DSCAML1: variants seen among roughly 807,000 people sequenced by gnomAD.
DSCAML1 encodes DS cell adhesion molecule like 1, also known as cell adhesion molecule DSCAML1.
A neutral mutation model predicts 200.5 loss-of-function variants in DSCAML1; 38 were observed. The ratio of observed to expected loss-of-function variants is 0.19; its 90% CI spans 0.15 to 0.25. The LOEUF (loss-of-function observed/expected upper bound fraction) is 0.25. DSCAML1 is among the 10% of genes least tolerant of loss of function. DSCAML1 has a pLI of 1.00. For synonymous variants in DSCAML1, 1,215 were observed against 1,165.0 expected, an observed-to-expected ratio of 1.04 and a Z score of -0.87; for missense variants, 2,223 against 2,858.8, an observed-to-expected ratio of 0.78 and a Z score of 5.07.
intron 3 of DSCAML1, among the ~76,000 whole-genome samples, chr11:117,638,364 G>GTGTGTGTGTT (rs2052334785): frequency 7.6e-6 from 1 of 130,896 alleles, no homozygotes; most frequent in African/African-American, 2.9e-5. Flanking sequence ...GTGTGTGTGT[G>GTGTGTGTGTT]TTTGCAACCG....
Position 117,461,483 on chromosome 11 carries a change from G to A in DSCAML1, c.3379C>T (p.Arg1127Trp). 2 of 1,614,180 alleles carry A rather than the reference G, an allele frequency of 1.2e-6. No homozygotes were observed. The highest frequency in any genetic ancestry group is 1.7e-6 in the Non-Finnish European group (2 of 1,180,040). Residue 1127 changes from arginine to tryptophan, a missense_variant, in exon 18 of 33, where the codon CGG (arginine) becomes TGG (tryptophan). By Grantham distance (101) the Arg-to-Trp change is moderately radical (BLOSUM62 -3). This residue lies in a region of DSCAML1 where 438 missense variants were observed against 629.7 expected (regional missense o/e 0.70). Transcript: ENST00000651296. Reference sequence around the variant, plus strand: ...ACATAGAGGGACCAGAAGATGACCCGATAGCCTTTGAGGACGCCATTGAGG... The same window carrying A: ...ACATAGAGGGACCAGAAGATGACCCAATAGCCTTTGAGGACGCCATTGAGG... Reference protein sequence around the residue: ...STLNGVLKGYRVIFWSLYVDG... With the variant: ...STLNGVLKGYWVIFWSLYVDG...
intron 5 of DSCAML1, 107 bp downstream of exon 5, chr11:117,524,698 C>T: frequency 7.2e-7 from 1 of 1,382,952 alleles, no homozygotes; most frequent in African/African-American, 1.5e-5. Flanking sequence ...AGGGTTATTC[C>T]CAGGGCCTGG....
At chr11:117,738,713 C>A (rs530790772) in intron 3 of DSCAML1, among the ~76,000 whole-genome samples, 1 of 152,242 alleles carries the variant, frequency 6.6e-6, no homozygotes, top group African/African-American at 2.4e-5. Context: ...TGAGCCTCTC[C>A]GAGAGTAACT....
At chr11:117,704,387 C>T in intron 3 of DSCAML1, among the ~76,000 whole-genome samples, 1 of 152,168 alleles carries the variant, frequency 6.6e-6, no homozygotes, top group East Asian at 1.9e-4. Context: ...TCTCACCCTC[C>T]CCTGGCTGCA....
intron 3 of DSCAML1, among the ~76,000 whole-genome samples, chr11:117,605,409 C>T (rs1029621250): frequency 6.6e-6 from 1 of 152,166 alleles, no homozygotes; most frequent in African/African-American, 2.4e-5. Context: ...CTGCCGCAAG[C>T]ACAGAGCCCT....
intron 32 of DSCAML1, 123 bp from the exon 33 acceptor site, chr11:117,428,926 T>G: frequency 1.2e-6 from 1 of 829,224 alleles, no homozygotes; most frequent in South Asian, 1.7e-5. Context: ...GCCCCTCCAC[T>G]GGGGGGCAAT....
At chr11:117,688,358 G>T (rs1330464002) in intron 3 of DSCAML1, among the ~76,000 whole-genome samples, 1 of 152,218 alleles carries the variant, frequency 6.6e-6, no homozygotes, top group African/African-American at 2.4e-5. Flanking sequence ...TGTTCTCGGG[G>T]ATGGGCCCAG....
At position 117,505,058 on chromosome 11, in the gene DSCAML1, A is replaced by G; in HGVS notation, c.2063-15T>C. ...TCGAGGGGGCACTGCAGAAAGAGGGAAGGTAGGGAAACAGACCATTTTAGT... is the reference window on the plus strand; with the variant it reads ...TCGAGGGGGCACTGCAGAAAGAGGGGAGGTAGGGAAACAGACCATTTTAGT... On this transcript the variant is annotated splice_polypyrimidine_tract_variant and intron_variant, in intron 9 of 32. Coordinates refer to ENST00000651296, the MANE Select transcript of DSCAML1 (RefSeq NM_020693.4). The surrounding 1 kb of genome is among the most constrained non-coding windows in gnomAD (Gnocchi z 6.7). The G allele has an allele frequency of 6.2e-7, 1 of 1,602,702 alleles. No individual in the cohort carries two copies. The highest frequency in any genetic ancestry group is 8.5e-7 in the Non-Finnish European group (1 of 1,174,012).
At chr11:117,694,038 T>C (rs565498733) in intron 3 of DSCAML1, among the ~76,000 whole-genome samples, 65 of 147,628 alleles carry the variant, frequency 4.4e-4, no homozygotes, top group Middle Eastern at 7.2e-3. Context: ...CCTCCCTCTG[T>C]CATTTTTAGG....
chr11:117,742,460 A>G (rs963298318), intron 3 of DSCAML1, among the ~76,000 whole-genome samples: 21 of 152,164 alleles, frequency 1.4e-4, no homozygotes, highest in African/African-American at 4.6e-4. Flanking sequence ...GGACCCTCCT[A>G]TTCACTAATG....
At chr11:117,535,047 G>A (rs2050141070) in intron 3 of DSCAML1, among the ~76,000 whole-genome samples, 1 of 152,062 alleles carries the variant, frequency 6.6e-6, no homozygotes, top group Non-Finnish European at 1.5e-5. Flanking sequence ...GTATAGGACT[G>A]GACCTACCAT....
chr11:117,508,098 C>T (rs1345523418), intron 8 of DSCAML1, among the ~76,000 whole-genome samples: 1 of 152,090 alleles, frequency 6.6e-6, no homozygotes, highest in Non-Finnish European at 1.5e-5. Context: ...TAGCAGAGAC[C>T]CAGATGTGCC....
At chr11:117,767,330 C>T (rs2054917316) in intron 3 of DSCAML1, among the ~76,000 whole-genome samples, 1 of 152,286 alleles carries the variant, frequency 6.6e-6, no homozygotes, top group Non-Finnish European at 1.5e-5. Flanking sequence ...CTACATAGGG[C>T]ACCTGTGAAG....
chr11:117,458,366 C>T (rs757894161), intron 19 of DSCAML1, among the ~76,000 whole-genome samples: 80 of 152,170 alleles, frequency 5.3e-4, no homozygotes, highest in Non-Finnish European at 6.2e-4. Flanking sequence ...GTCCCTAACC[C>T]GTGATGTACT....
chr11:117,777,071 C>G lies in DSCAML1; in HGVS notation c.365-134G>C, dbSNP rs572530216. On this transcript the variant is annotated intron_variant, in intron 2 of 32. Transcript: ENST00000651296. ...CCTTCCCACTTCTTCCTTCCCCCAT[C>G]CTGCTTAGCCAGCCTAGAAGCCCCT... The G allele has an allele frequency of 6.4e-6, 6 of 940,100 alleles. No individual in the cohort carries two copies. In the South Asian group the frequency reaches 6.8e-5, roughly 11 times the overall value. The allele number at this position is 940,100 out of a possible 1,614,324, so 58.2% of individuals were successfully genotyped here. A position where few individuals can be genotyped will look rare whatever the true frequency, so the allele number is the denominator to read the frequency against.
At chr11:117,680,337 G>A (rs1224266201) in intron 3 of DSCAML1, among the ~76,000 whole-genome samples, 1 of 152,188 alleles carries the variant, frequency 6.6e-6, no homozygotes, top group Non-Finnish European at 1.5e-5. Context: ...ACCCTCCTGT[G>A]GGTGCAGAGC....
intron 3 of DSCAML1, among the ~76,000 whole-genome samples, chr11:117,703,976 G>A (rs2053715185): frequency 6.6e-6 from 1 of 152,178 alleles, no homozygotes; most frequent in African/African-American, 2.4e-5. Context: ...CCATTTTACA[G>A]ATGAGGAAAA....
Position 117,431,624 on chromosome 11 carries a change from G to C in DSCAML1, c.5284C>G (p.Leu1762Val). ...KCQASTPART[L>V]TSDWRTVGSQ... ...CCCACGGTGCGCCAGTCGGAGGTGA[G>C]GGTGCGGGCAGGTGTGGAGGCCTGG... The change falls in exon 31 of 33, where the codon CTC becomes GTC. Residue 1762 changes from leucine to valine, a missense_variant. Around this residue, in one of 7 missense-constraint regions of DSCAML1, gnomAD observed 614 missense variants for 739.1 expected, o/e 0.83. Coordinates refer to ENST00000651296, the MANE Select transcript of DSCAML1 (RefSeq NM_020693.4). 1 of 1,613,390 alleles carries C rather than the reference G, an allele frequency of 6.2e-7. No individual in the cohort carries two copies. The highest frequency in any genetic ancestry group is 8.5e-7 in the Non-Finnish European group (1 of 1,179,552).
chr11:117,450,011 C>T (rs10892108), intron 20 of DSCAML1, among the ~76,000 whole-genome samples: 59,568 of 152,048 alleles, frequency 0.39, 12,548 homozygotes, highest in Non-Finnish European at 0.47. Flanking sequence ...GGGCAGATAT[C>T]GCAGCCTCTC....
Sources: allele counts gnomAD v4.1 joint callset (sites outside exome capture counted in the v4.1 genomes callset), GRCh38; gene constraint gnomAD v4.1.1; regional missense constraint gnomAD v4.1.1; non-coding constraint Gnocchi (gnomAD v3.1); transcripts MANE v1.5; gene names NCBI Gene and HGNC (gene_info 2026-07-23, HGNC 2026-07-21).